The following DPP6 variants were observed in gnomAD, a reference collection of about 807,000 sequenced individuals.
DPP6 encodes the protein dipeptidyl peptidase like 6.
DPP6 carries 69 observed loss-of-function variants against 122.6 expected under a neutral mutation model. The ratio of observed to expected loss-of-function variants is 0.56; its 90% CI spans 0.46 to 0.69. The LOEUF (loss-of-function observed/expected upper bound fraction) is 0.69. DPP6 is among the 30% of genes least tolerant of loss of function. The probability of loss-of-function intolerance (pLI) is 0.00; values close to 1 mark genes in which losing one functional copy is unlikely to be tolerated. For missense variants in DPP6, 928 were observed against 1,116.9 expected, an observed-to-expected ratio of 0.83 and a Z score of 2.41; for synonymous variants, 418 against 433.1, an observed-to-expected ratio of 0.97 and a Z score of 0.43.
chr7:154,005,119 A>AG (rs1797858084), intron 1 of DPP6, among the ~76,000 whole-genome samples: 1 of 152,224 alleles, frequency 6.6e-6, no homozygotes. Flanking sequence ...TTATTCTCCA[A>AG]GGGTATATAC....
chr7:153,979,114 A>G (rs1796451620), intron 1 of DPP6, among the ~76,000 whole-genome samples: 1 of 151,944 alleles, frequency 6.6e-6, no homozygotes, highest in African/African-American at 2.4e-5. Context: ...GATGGCATTG[A>G]ATCTATAAAT....
At chr7:153,909,956 G>A (rs984038173) in intron 1 of DPP6, among the ~76,000 whole-genome samples, 12 of 151,948 alleles carry the variant, frequency 7.9e-5, no homozygotes, top group African/African-American at 1.9e-4. Flanking sequence ...CCATTCACCC[G>A]CCCTAGAAAT....
At chr7:154,388,487 T>G (rs1158516821) in intron 1 of DPP6, among the ~76,000 whole-genome samples, 1 of 152,174 alleles carries the variant, frequency 6.6e-6, no homozygotes, top group Non-Finnish European at 1.5e-5. Context: ...AGTAGTTACT[T>G]CAGGATATGC....
At chr7:154,797,724 G>A (rs1487241985) in intron 12 of DPP6, among the ~76,000 whole-genome samples, 3 of 152,286 alleles carry the variant, frequency 2.0e-5, no homozygotes, top group South Asian at 2.1e-4. Context: ...GTGGCTGCAC[G>A]TCATTGTGAA....
At chr7:154,101,935 C>CAAAA (rs915468915) in intron 1 of DPP6, among the ~76,000 whole-genome samples, 153 of 40,518 alleles carry the variant, frequency 3.8e-3, no homozygotes, top group Non-Finnish European at 5.4e-3. Flanking sequence ...TACTCCATCT[C>CAAAA]AAAAAAAAAA....
intron 7 of DPP6, among the ~76,000 whole-genome samples, chr7:154,682,330 G>C (rs1367747825): frequency 6.6e-6 from 1 of 152,224 alleles, no homozygotes; most frequent in Non-Finnish European, 1.5e-5. Context: ...AAGGCGAAAG[G>C]ACCTGAACTT....
chr7:153,962,407 C>G (rs1795397626), intron 1 of DPP6, among the ~76,000 whole-genome samples: 2 of 152,284 alleles, frequency 1.3e-5, no homozygotes, highest in South Asian at 4.2e-4. Context: ...GCAAAGTTTT[C>G]AAGTTCTCGT....
chr7:154,757,992 C>G (rs1795249298), intron 8 of DPP6, among the ~76,000 whole-genome samples: 1 of 152,200 alleles, frequency 6.6e-6, no homozygotes, highest in South Asian at 2.1e-4. Flanking sequence ...CCCCGCCGCC[C>G]TCTCCCGCCA....
intron 5 of DPP6, among the ~76,000 whole-genome samples, chr7:154,586,296 G>A (rs1041822864): frequency 6.6e-6 from 1 of 152,146 alleles, no homozygotes; most frequent in Non-Finnish European, 1.5e-5. Context: ...TTGTTCTGTT[G>A]AACTTATTGC....
At chr7:154,063,372 C>A (rs1802342251) in intron 1 of DPP6, among the ~76,000 whole-genome samples, 1 of 134,848 alleles carries the variant, frequency 7.4e-6, no homozygotes, top group Non-Finnish European at 1.6e-5. Flanking sequence ...GGTGTGGCAC[C>A]CCCCACGAGG....
intron 1 of DPP6, among the ~76,000 whole-genome samples, chr7:154,402,200 G>A (rs1410512473): frequency 1.3e-5 from 2 of 151,586 alleles, no homozygotes; most frequent in Non-Finnish European, 2.9e-5. Context: ...CGATTCCTCA[G>A]GGATCTAGAA....
At position 154,877,676 on chromosome 7, in the gene DPP6, C is replaced by T. The variant is rs1441973879; in HGVS notation, c.2078+1576C>T. ...GGGAGGAAACCACTTTTAGAAACTT[C>T]CAGAAAGGAAAGGAAAGTCTCCCCA... On this transcript the variant is annotated intron_variant, in intron 20 of 25. Coordinates refer to ENST00000377770, the MANE Select transcript of DPP6 (RefSeq NM_130797.4). The surrounding 1 kb of genome is among the most constrained non-coding windows in gnomAD (Gnocchi z 5.2). 6.6e-6 allele frequency among the ~76,000 whole-genome samples: 1 copy of T among 152,126 alleles called. No individual in the cohort carries two copies. Among genetic ancestry groups the T allele is most frequent in the Non-Finnish European group, 1.5e-5 (1 of 68,032 alleles).
intron 1 of DPP6, among the ~76,000 whole-genome samples, chr7:154,438,889 T>C (rs1445375455): frequency 1.3e-5 from 2 of 152,114 alleles, no homozygotes; most frequent in Non-Finnish European, 1.5e-5. Context: ...CAATTAATTG[T>C]CTCTGGCTGA....
chr7:154,146,649 G>A (rs1478828212), intron 1 of DPP6, among the ~76,000 whole-genome samples: 1 of 152,288 alleles, frequency 6.6e-6, no homozygotes, highest in East Asian at 1.9e-4. Flanking sequence ...CCACGTTTAA[G>A]AATGTTATGC....
chr7:154,651,261 A>G (rs1041050135), intron 6 of DPP6, among the ~76,000 whole-genome samples: 2 of 152,190 alleles, frequency 1.3e-5, no homozygotes, highest in Non-Finnish European at 2.9e-5. Context: ...AATTTCCTAT[A>G]TAGTTACAGA....
At chr7:153,765,740 TA>T in the DPP6 span, among the ~76,000 whole-genome samples, 1 of 152,180 alleles carries the variant, frequency 6.6e-6, no homozygotes, top group African/African-American at 2.4e-5. Context: ...TTGTTTTACC[TA>T]AAAAACACAT....
chr7:153,893,486 G>A (rs183959119), intron 1 of DPP6, among the ~76,000 whole-genome samples: 52 of 152,368 alleles, frequency 3.4e-4, no homozygotes, highest in African/African-American at 1.2e-3. Context: ...GGACTGCTTA[G>A]CATAGGCTGT....
chr7:154,444,196 G>A (rs999892097), intron 1 of DPP6, among the ~76,000 whole-genome samples: 18 of 152,230 alleles, frequency 1.2e-4, no homozygotes, highest in African/African-American at 3.6e-4. Flanking sequence ...GGTGGCTCAC[G>A]CCTGTAATCC....
intron 1 of DPP6, among the ~76,000 whole-genome samples, chr7:154,352,674 G>C (rs917685767): frequency 6.6e-6 from 1 of 151,824 alleles, no homozygotes; most frequent in African/African-American, 2.4e-5. Flanking sequence ...GGGGCCTATT[G>C]GGGGGTGTGG....
Sources: gnomAD v4.1 joint callset for allele counts (sites outside exome capture counted in the v4.1 genomes callset) on GRCh38, gnomAD v4.1.1 for gene constraint, Gnocchi (gnomAD v3.1) non-coding constraint, MANE v1.5 for transcripts, NCBI Gene and HGNC (gene_info 2026-07-23, HGNC 2026-07-21) for gene names.